LRGUK: variants seen among roughly 807,000 people sequenced by gnomAD.
LRGUK encodes the protein leucine-rich repeat and guanylate kinase domain-containing protein.
LRGUK carries 65 observed loss-of-function variants against 76.0 expected under a neutral mutation model. That is an observed-to-expected ratio of 0.85 (90% CI 0.70 to 1.05). The LOEUF is 1.05. Ranked by LOEUF, LRGUK falls within the 50% of genes least tolerant of loss-of-function variation. The pLI is 0.00. For missense variants in LRGUK, 758 were observed against 732.8 expected, an observed-to-expected ratio of 1.03 and a Z score of -0.40; for synonymous variants, 268 against 265.6, an observed-to-expected ratio of 1.01 and a Z score of -0.09.
At chr7:134,247,831 G>T (rs964036468) in intron 17 of LRGUK, among the ~76,000 whole-genome samples, 187 bp downstream of exon 17, 1 of 152,128 alleles carries the variant, frequency 6.6e-6, no homozygotes, top group African/African-American at 2.4e-5. Context: ...GGCACAATAT[G>T]CTCATAGCTA....
At chr7:134,188,299 G>A (rs1003406824) in intron 11 of LRGUK, among the ~76,000 whole-genome samples, 1 of 152,160 alleles carries the variant, frequency 6.6e-6, no homozygotes, top group African/African-American at 2.4e-5. Flanking sequence ...TAGGCAGAGA[G>A]GACAGCATAT....
chr7:134,147,262 A>G (rs1798010542), intron 4 of LRGUK, among the ~76,000 whole-genome samples: 1 of 146,318 alleles, frequency 6.8e-6, no homozygotes, highest in Admixed American at 6.7e-5. Flanking sequence ...TAAAAATACA[A>G]ACAACAACAA....
At chr7:134,160,153 C>T (rs547984337) in intron 6 of LRGUK, among the ~76,000 whole-genome samples, 29 of 151,662 alleles carry the variant, frequency 1.9e-4, no homozygotes, top group Non-Finnish European at 3.5e-4. Context: ...GCATGGTAAA[C>T]AGACAAAGAT....
intron 3 of LRGUK, 105 bp from the exon 4 acceptor site, chr7:134,142,957 A>G: frequency 1.6e-6 from 1 of 633,368 alleles, no homozygotes; most frequent in Non-Finnish European, 2.8e-6. Context: ...TGTCTTTGCA[A>G]CTGTTATAAT....
exon 16 of LRGUK, chr7:134,209,223 C>G (rs1297237652): frequency 5.0e-6 from 2 of 399,160 alleles, no homozygotes; most frequent in African/African-American, 4.1e-5. Flanking sequence ...ACTGGCCCTC[C>G]TCTGTCTGAA....
downstream of LRGUK, among the ~76,000 whole-genome samples, chr7:134,266,269 A>T (rs1306997519): frequency 6.6e-6 from 1 of 151,948 alleles, no homozygotes; most frequent in East Asian, 1.9e-4. Context: ...GTCAACTTGG[A>T]TAAGAAAAGA....
At chr7:134,166,708 C>T (rs141117459) in intron 7 of LRGUK, among the ~76,000 whole-genome samples, 18 of 152,274 alleles carry the variant, frequency 1.2e-4, no homozygotes, top group African/African-American at 4.1e-4. Flanking sequence ...TGAATGCTGA[C>T]GGAGACAATG....
intron 7 of LRGUK, among the ~76,000 whole-genome samples, chr7:134,167,634 GGGTGC>G (rs1441306751): frequency 9.2e-5 from 14 of 152,242 alleles, no homozygotes; most frequent in African/African-American, 3.1e-4. Flanking sequence ...GCAGCTGGTG[GGGTGC>G]AGTGCTCCCT....
exon 12 of LRGUK, chr7:134,191,679 T>C (rs1370293192): frequency 6.2e-7 from 1 of 1,612,768 alleles, no homozygotes; most frequent in African/African-American, 1.3e-5. Context: ...CAAGACCACC[T>C]TACTTTGGAG....
rs150367965 is a variant in LRGUK, at chr7:134,175,919, C to T, written c.1021-1058C>T. Among the ~76,000 whole-genome samples, 385 of 151,990 alleles carry T rather than the reference C, an allele frequency of 2.5e-3. 1 individual carries two copies. The highest frequency in any genetic ancestry group is 8.9e-3 in the African/African-American group (369 of 41,488). On this transcript the variant is annotated intron_variant, in intron 8 of 15. Transcript: ENST00000645682. ...AAATTCATAATAATACAAATTAATA[C>T]GAAATATTGCATATAAATAATAACA...
chr7:134,251,792 A>T (rs1802453166), intron 18 of LRGUK, among the ~76,000 whole-genome samples: 1 of 152,220 alleles, frequency 6.6e-6, no homozygotes. Context: ...ATCTACTGCT[A>T]TATTTAGGGC....
At chr7:134,134,088 A>G (rs921213903) in intron 1 of LRGUK, among the ~76,000 whole-genome samples, 1 of 152,026 alleles carries the variant, frequency 6.6e-6, no homozygotes, top group African/African-American at 2.4e-5. Context: ...AAAAAAAGAA[A>G]TTGCCCATAG....
At chr7:134,260,569 C>T (rs2117229840) in intron 19 of LRGUK, among the ~76,000 whole-genome samples, 1 of 152,302 alleles carries the variant, frequency 6.6e-6, no homozygotes, top group South Asian at 2.1e-4. Context: ...TCTTTTCAGG[C>T]CTTTCCTGGG....
intron 7 of LRGUK, among the ~76,000 whole-genome samples, chr7:134,172,368 A>T: frequency 6.6e-6 from 1 of 152,226 alleles, no homozygotes; most frequent in East Asian, 1.9e-4. Flanking sequence ...TTCTATATAA[A>T]TTTTTTTAAA....
At chr7:134,249,849 C>T (rs1365624380) in intron 18 of LRGUK, among the ~76,000 whole-genome samples, 2 of 152,164 alleles carry the variant, frequency 1.3e-5, no homozygotes, top group East Asian at 1.9e-4. Flanking sequence ...CTGACCATCT[C>T]GCTGTAGGTC....
chr7:134,221,513 A>T lies in LRGUK; in HGVS notation c.1844-266A>T, dbSNP rs572255211. On this transcript the variant is annotated intron_variant, in intron 15 of 19. Coordinates refer to the LRGUK transcript ENST00000285928. ...GAAGCCACTGTTTTTGACATGTCTT[A>T]CTTCTTTTGATTTTATTTATAAGCC... Among the ~76,000 whole-genome samples, 5 of 152,220 alleles carry T rather than the reference A, an allele frequency of 3.3e-5. No individual in the cohort carries two copies. The South Asian group carries it at 1.0e-3, about 32-fold the overall frequency.
intron 16 of LRGUK, among the ~76,000 whole-genome samples, chr7:134,232,063 C>A (rs778889448): frequency 3.9e-5 from 6 of 151,986 alleles, no homozygotes; most frequent in African/African-American, 1.5e-4. Flanking sequence ...CTGATCAGAC[C>A]CTGCTGCAGA....
intron 2 of LRGUK, among the ~76,000 whole-genome samples, chr7:134,138,316 T>TA (rs1797618738): frequency 6.6e-6 from 1 of 152,208 alleles, no homozygotes; most frequent in Admixed American, 6.6e-5. Flanking sequence ...CTGACCTCCT[T>TA]ACATTTGAGA....
intron 16 of LRGUK, among the ~76,000 whole-genome samples, chr7:134,232,073 A>G (rs907817762): frequency 6.6e-6 from 1 of 152,130 alleles, no homozygotes; most frequent in African/African-American, 2.4e-5. Flanking sequence ...CCTGCTGCAG[A>G]CACTAGAACA....
Sources: gnomAD v4.1 joint callset for allele counts (sites outside exome capture counted in the v4.1 genomes callset) on GRCh38, gnomAD v4.1.1 for gene constraint, MANE v1.5 for transcripts, NCBI Gene and HGNC (gene_info 2026-07-23, HGNC 2026-07-21) for gene names.